AGBL1: variants seen among roughly 807,000 people sequenced by gnomAD.
AGBL1 encodes AGBL carboxypeptidase 1.
A neutral mutation model predicts 118.9 loss-of-function variants in AGBL1; 130 were observed. That is an observed-to-expected ratio of 1.09 (90% CI 0.95 to 1.26). The LOEUF (loss-of-function observed/expected upper bound fraction) is 1.26. Among genes scored for constraint, AGBL1 ranks in the 50% most tolerant of loss-of-function variants. The pLI, the probability that AGBL1 is intolerant of heterozygous loss-of-function variation, is 0.00. For missense variants in AGBL1, 1,584 were observed against 1,298.1 expected (o/e 1.22, Z -3.38); for synonymous variants, 555 against 478.9 (o/e 1.16, Z -2.08).
chr15:86,736,115 ACT>A (rs2077593512), intron 22 of AGBL1, among the ~76,000 whole-genome samples: 1 of 151,940 alleles, frequency 6.6e-6, no homozygotes, highest in Non-Finnish European at 1.5e-5. Flanking sequence ...AGGCATGGTG[ACT>A]CTCGCCTATA....
rs547281883 is a variant in AGBL1, at chr15:86,425,814, T to C, written c.2555+28268T>C. On this transcript the variant is annotated intron_variant, in intron 18 of 22. Transcript: ENST00000614907. ...GCTCTGGGTGTCTGTATTTTTAATA[T>C]ACTGGATAATTCTAAAAGTAGGCAA... Among the ~76,000 whole-genome samples the C allele has an allele frequency of 6.9e-4, 105 of 152,322 alleles. 1 individual carries two copies. Among genetic ancestry groups the C allele is most frequent in the African/African-American group, 2.5e-3 (102 of 41,580 alleles).
chr15:86,807,938 T>G (rs2078740902), intron 22 of AGBL1, among the ~76,000 whole-genome samples: 1 of 152,114 alleles, frequency 6.6e-6, no homozygotes, highest in South Asian at 2.1e-4. Context: ...GAATATAAGC[T>G]TCACACTTGG....
intron 5 of AGBL1, among the ~76,000 whole-genome samples, chr15:86,187,269 T>A (rs2077647285): frequency 6.6e-6 from 1 of 152,192 alleles, no homozygotes; most frequent in Non-Finnish European, 1.5e-5. Context: ...AAGCGGAAGA[T>A]CCCTGCTTCC....
At chr15:86,537,576 T>C (rs557426319) in intron 19 of AGBL1, among the ~76,000 whole-genome samples, 1 of 152,096 alleles carries the variant, frequency 6.6e-6, no homozygotes, top group African/African-American at 2.4e-5. Context: ...AGATGGAGAG[T>C]GGAAAAACGC....
intron 22 of AGBL1, among the ~76,000 whole-genome samples, chr15:86,724,014 T>C (rs1055298928): frequency 8.6e-5 from 13 of 151,926 alleles, no homozygotes; most frequent in African/African-American, 3.1e-4. Flanking sequence ...GGTGGGCGGA[T>C]CACGAGGTCA....
chr15:87,015,196 A>C (rs984714903), intron 24 of AGBL1, among the ~76,000 whole-genome samples: 1 of 152,104 alleles, frequency 6.6e-6, no homozygotes, highest in Non-Finnish European at 1.5e-5. Flanking sequence ...TTGGTCTTGG[A>C]TTGAGAATTA....
At chr15:86,826,046 AT>A (rs987861924) in intron 22 of AGBL1, among the ~76,000 whole-genome samples, 3 of 151,868 alleles carry the variant, frequency 2.0e-5, no homozygotes, top group African/African-American at 7.3e-5. Context: ...CAAAAAAAAA[AT>A]ATTACAATCA....
At chr15:86,898,255 CTT>C (rs1199090403) in intron 22 of AGBL1, among the ~76,000 whole-genome samples, 3 of 152,102 alleles carry the variant, frequency 2.0e-5, no homozygotes, top group African/African-American at 4.8e-5. Context: ...TGTTTGGTGT[CTT>C]TGTCATGAAA....
At chr15:86,194,732 A>G (rs1955644408) in intron 5 of AGBL1, among the ~76,000 whole-genome samples, 1 of 152,214 alleles carries the variant, frequency 6.6e-6, no homozygotes. Flanking sequence ...GTACTCAGGC[A>G]CAGAACAGGT....
At chr15:86,158,911 A>G (rs2077229203) in intron 4 of AGBL1, 22 bp from the exon 5 acceptor site, 2 of 1,607,430 alleles carry the variant, frequency 1.2e-6, no homozygotes, top group Non-Finnish European at 1.7e-6. Context: ...GACCATAACT[A>G]CTGTGCTTTT....
rs1011254033 is a variant in AGBL1, at chr15:86,908,987, C to T, written c.*1693C>T. 1 of 152,222 alleles carries T rather than the reference C, an allele frequency of 6.6e-6. No homozygotes were observed. The highest frequency in any genetic ancestry group is 2.4e-5 in the African/African-American group (1 of 41,462). The allele number at this position is 152,222 out of a possible 1,614,324, so 9.4% of individuals were successfully genotyped here. On this transcript the variant is annotated 3_prime_UTR_variant, in exon 23 of 23. Coordinates refer to ENST00000614907, the MANE Select transcript of AGBL1 (RefSeq NM_001386094.1). ...TCAGAGACCTGGCTTCTGCAGTTTT[C>T]TGGCTCTACTGTGTGTGCTTCTACT...
At chr15:86,459,254 T>C (rs1240734516) in intron 18 of AGBL1, among the ~76,000 whole-genome samples, 1 of 152,170 alleles carries the variant, frequency 6.6e-6, no homozygotes, top group Non-Finnish European at 1.5e-5. Context: ...TTGCTGCCAA[T>C]GTGGTAAGAT....
chr15:86,692,038 C>T (rs2086181162), intron 22 of AGBL1, among the ~76,000 whole-genome samples: 1 of 151,926 alleles, frequency 6.6e-6, no homozygotes, highest in Admixed American at 6.6e-5. Context: ...GTTTCTTAAG[C>T]TCGACAACAC....
chr15:86,445,351 A>G (rs994874099), intron 18 of AGBL1, among the ~76,000 whole-genome samples: 1 of 152,258 alleles, frequency 6.6e-6, no homozygotes, highest in African/African-American at 2.4e-5. Context: ...TGAATGGATT[A>G]TAACAGGAAA....
At chr15:87,026,387 T>C (rs768268145) in intron 24 of AGBL1, among the ~76,000 whole-genome samples, 2 of 151,696 alleles carry the variant, frequency 1.3e-5, no homozygotes, top group Admixed American at 6.6e-5. Flanking sequence ...CCAACAAATA[T>C]GAAAAAATGC....
At chr15:86,706,863 C>A (rs1324886484) in intron 22 of AGBL1, among the ~76,000 whole-genome samples, 2 of 152,122 alleles carry the variant, frequency 1.3e-5, no homozygotes, top group African/African-American at 4.8e-5. Flanking sequence ...ACCTACTTAA[C>A]CTAGCTTACT....
chr15:86,916,580 C>T (rs1377166277), downstream of AGBL1, among the ~76,000 whole-genome samples: 2 of 152,200 alleles, frequency 1.3e-5, no homozygotes, highest in African/African-American at 2.4e-5. Context: ...TGGAATAGAA[C>T]ATTATAACAG....
At chr15:86,489,663 G>A (rs899308873) in intron 18 of AGBL1, among the ~76,000 whole-genome samples, 3 of 152,116 alleles carry the variant, frequency 2.0e-5, no homozygotes, top group African/African-American at 7.2e-5. Flanking sequence ...AGCCATACTT[G>A]TTCATGTTGC....
intron 23 of AGBL1, among the ~76,000 whole-genome samples, chr15:86,956,752 C>T (rs1459555601): frequency 6.6e-6 from 1 of 152,116 alleles, no homozygotes; most frequent in Non-Finnish European, 1.5e-5. Flanking sequence ...TAAAATTAAT[C>T]ATCACATATG....
Sources: allele counts gnomAD v4.1 joint callset (sites outside exome capture counted in the v4.1 genomes callset), GRCh38; gene constraint gnomAD v4.1.1; transcripts MANE v1.5; gene names NCBI Gene and HGNC (gene_info 2026-07-23, HGNC 2026-07-21).